TPST1: variants seen among roughly 807,000 people sequenced by gnomAD.
TPST1 encodes the protein tyrosylprotein sulfotransferase 1, also known as protein-tyrosine sulfotransferase 1.
TPST1 carries 20 observed loss-of-function variants against 34.8 expected under a neutral mutation model. That is an observed-to-expected ratio of 0.57 (90% CI 0.40 to 0.84). The LOEUF (loss-of-function observed/expected upper bound fraction) is 0.84, where lower values mean the gene tolerates loss of function less well. TPST1 is among the 40% of genes least tolerant of loss of function. The pLI is 0.00. For missense variants in TPST1, 353 were observed against 455.5 expected (o/e 0.78, Z 2.05); for synonymous variants, 152 against 159.4 (o/e 0.95, Z 0.35).
At chr7:66,334,138 A>G (rs1405766758) in intron 3 of TPST1, among the ~76,000 whole-genome samples, 1 of 152,168 alleles carries the variant, frequency 6.6e-6, no homozygotes, top group African/African-American at 2.4e-5. Context: ...GATACTAAAA[A>G]TAGGGAGGTT....
intron 1 of TPST1, among the ~76,000 whole-genome samples, chr7:66,211,944 G>C (rs1184924252): frequency 2.6e-5 from 4 of 152,094 alleles, no homozygotes; most frequent in African/African-American, 9.7e-5. Flanking sequence ...CCAGCCTGGC[G>C]ACAGAGCAAG....
chr7:66,243,265 T>A (rs1033376937), intron 2 of TPST1, among the ~76,000 whole-genome samples: 2 of 152,138 alleles, frequency 1.3e-5, no homozygotes, highest in Non-Finnish European at 2.9e-5. Context: ...GAACATGTTC[T>A]AGTTGCCTCA....
At chr7:66,215,609 C>T (rs1294360534) in intron 1 of TPST1, among the ~76,000 whole-genome samples, 8 of 150,822 alleles carry the variant, frequency 5.3e-5, no homozygotes, top group East Asian at 2.0e-4. Flanking sequence ...CTCCTGACCT[C>T]GTGATCCGCC....
In TPST1 at chr7:66,240,498, G is replaced by A; in HGVS notation, c.73G>A (p.Gly25Ser). Residue 25 changes from glycine (G) to serine (S), a missense_variant, in exon 2 of 6, where the codon GGC becomes AGC. Transcript: ENST00000304842. ...VISSVTVFYL[G>S]QHAMECHHRI... ...TAGTTCTGTGACTGTGTTTTACCTGGGCCAGCATGCCATGGAATGCCATCA... is the reference window on the plus strand; with the variant it reads ...TAGTTCTGTGACTGTGTTTTACCTGAGCCAGCATGCCATGGAATGCCATCA... The A allele has an allele frequency of 1.2e-6, 2 of 1,614,118 alleles. No individual in the cohort carries two copies. Among genetic ancestry groups the A allele is most frequent in the Non-Finnish European group, 1.7e-6 (2 of 1,180,024 alleles).
At position 66,353,172 on chromosome 7, in the gene TPST1, G is replaced by A. The variant is rs191326651; in HGVS notation, c.1095+617G>A. ...TCTACTGAAAATATAAAAATTAGCCGAGTATTGCAGAATTTGCCTGTAATC... is the reference window on the plus strand; with the variant it reads ...TCTACTGAAAATATAAAAATTAGCCAAGTATTGCAGAATTTGCCTGTAATC... On this transcript the variant is annotated intron_variant, in intron 4 of 5. Transcript: ENST00000304842. Among the ~76,000 whole-genome samples the A allele has an allele frequency of 2.1e-3, 326 of 152,218 alleles. 2 individuals are homozygous for A. Among genetic ancestry groups the A allele is most frequent in the African/African-American group, 7.7e-3 (318 of 41,532 alleles).
At chr7:66,320,760 G>A (rs1166980641) in intron 3 of TPST1, among the ~76,000 whole-genome samples, 3 of 151,458 alleles carry the variant, frequency 2.0e-5, no homozygotes, top group East Asian at 2.0e-4. Flanking sequence ...CACCACGCCC[G>A]GCTAATTTTG....
At chr7:66,319,078 T>C (rs2116182218) in intron 3 of TPST1, among the ~76,000 whole-genome samples, 1 of 152,292 alleles carries the variant, frequency 6.6e-6, no homozygotes, top group African/African-American at 2.4e-5. Context: ...TTTATTTGTT[T>C]TGTTTTGTAT....
At chr7:66,265,624 A>G (rs1347725980) in intron 2 of TPST1, among the ~76,000 whole-genome samples, 5 of 152,178 alleles carry the variant, frequency 3.3e-5, no homozygotes, top group Non-Finnish European at 7.3e-5. Flanking sequence ...ATTTGATGGA[A>G]AAGCATGCAT....
rs532051144 is a variant in TPST1 at position 66,307,204 on chromosome 7, G to A, written c.1044+20495G>A. 1.7e-3 allele frequency among the ~76,000 whole-genome samples: 257 copies of A among 148,046 alleles called. 1 individual carries two copies. Among genetic ancestry groups the A allele is most frequent in the Non-Finnish European group, 3.3e-3 (217 of 66,758 alleles). ...GAGATCTCGGCTCACTGCAAGGTCC[G>A]CCTCCCGGGTTCATGCCATTCTCCT... On this transcript the variant is annotated intron_variant, in intron 3 of 5. Transcript: ENST00000304842.
chr7:66,305,647 C>G (rs1466775427), intron 3 of TPST1, among the ~76,000 whole-genome samples: 1 of 152,180 alleles, frequency 6.6e-6, no homozygotes, highest in Admixed American at 6.5e-5. Flanking sequence ...AGTTAACAGT[C>G]TCAGCTCTCT....
upstream of TPST1, among the ~76,000 whole-genome samples, chr7:66,203,662 T>A (rs915197713): frequency 1.3e-4 from 19 of 151,708 alleles, no homozygotes; most frequent in Non-Finnish European, 2.6e-4. Flanking sequence ...AATTTTTGTA[T>A]TTTTAGTAGA....
intron 1 of TPST1, among the ~76,000 whole-genome samples, chr7:66,238,683 G>A (rs1381918644): frequency 1.3e-5 from 2 of 152,178 alleles, no homozygotes; most frequent in African/African-American, 4.8e-5. Context: ...GTTGATTTAA[G>A]TGTTAATCAC....
At chr7:66,225,925 C>CA (rs1282181353) in intron 1 of TPST1, among the ~76,000 whole-genome samples, 2 of 152,072 alleles carry the variant, frequency 1.3e-5, no homozygotes, top group African/African-American at 2.4e-5. Flanking sequence ...CTTGCTGTTT[C>CA]ACCCAGGTTG....
intron 3 of TPST1, among the ~76,000 whole-genome samples, chr7:66,301,229 A>G (rs1791309878): frequency 6.6e-6 from 1 of 152,228 alleles, no homozygotes; most frequent in Non-Finnish European, 1.5e-5. Flanking sequence ...AACCTCTACT[A>G]GCCTCCAACT....
intron 3 of TPST1, among the ~76,000 whole-genome samples, chr7:66,333,860 G>A (rs575690749): frequency 6.6e-6 from 1 of 152,208 alleles, no homozygotes; most frequent in South Asian, 2.1e-4. Flanking sequence ...TTTAGTACAT[G>A]TCTTTCATGT....
At chr7:66,221,524 CAG>C (rs1789543651) in intron 1 of TPST1, 1 of 152,148 alleles carries the variant, frequency 6.6e-6, no homozygotes, top group Admixed American at 6.5e-5. Context: ...GGTGAACATC[CAG>C]ATAGAATTGT....
chr7:66,328,011 C>CTTTTTTTTTTTTT (rs35582736), intron 3 of TPST1, among the ~76,000 whole-genome samples: 1 of 39,486 alleles, frequency 2.5e-5, no homozygotes, highest in Non-Finnish European at 4.4e-5. Flanking sequence ...TTTTCCTTTC[C>CTTTTTTTTTTTTT]TTTTTTTTTT....
intron 2 of TPST1, among the ~76,000 whole-genome samples, chr7:66,270,167 T>C (rs1790677746): frequency 6.6e-6 from 1 of 151,966 alleles, no homozygotes; most frequent in African/African-American, 2.4e-5. Context: ...CACAGTAAAG[T>C]AGCTATCAAG....
In TPST1 at chr7:66,240,452, A is replaced by C. The variant is rs1419908580; in HGVS notation, c.27A>C (p.Leu9Phe). The C allele has an allele frequency of 6.2e-7, 1 of 1,613,942 alleles. No individual in the cohort carries two copies. The highest frequency in any genetic ancestry group is 2.2e-5 in the East Asian group (1 of 44,898). Residue 9 changes from leucine to phenylalanine, a missense_variant, in exon 2 of 6, where the codon TTA (leucine) becomes TTC (phenylalanine). Physicochemically the swap from Leu to Phe is conservative, Grantham distance 22 (BLOSUM62 0). Coordinates refer to ENST00000304842, the MANE Select transcript of TPST1 (RefSeq NM_003596.4). ...TGGTTGGAAAGCTGAAGCAGAACTT[A>C]CTATTGGCATGTCTGGTGATTAGTT... MVGKLKQN[L>F]LLACLVISSV...
Sources: gnomAD v4.1 joint callset for allele counts (sites outside exome capture counted in the v4.1 genomes callset) on GRCh38, gnomAD v4.1.1 for gene constraint, MANE v1.5 for transcripts, NCBI Gene and HGNC (gene_info 2026-07-23, HGNC 2026-07-21) for gene names.